ADAMTS2: variants seen among roughly 807,000 people sequenced by gnomAD.
The protein encoded by ADAMTS2 is ADAM metallopeptidase with thrombospondin type 1 motif 2, also known as A disintegrin and metalloproteinase with thrombospondin motifs 2.
In ADAMTS2, 50 loss-of-function variants were observed where a neutral mutation model predicts 123.0. The ratio of observed to expected loss-of-function variants is 0.41; its 90% CI spans 0.32 to 0.51. The LOEUF (loss-of-function observed/expected upper bound fraction) is 0.51, where lower values mean the gene tolerates loss of function less well. ADAMTS2 is among the 20% of genes least tolerant of loss of function. The pLI is 0.35. For synonymous variants in ADAMTS2, 678 were observed against 695.4 expected (o/e 0.98, Z 0.39); for missense variants, 1,494 against 1,705.2 (o/e 0.88, Z 2.18).
At chr5:179,161,071 CA>C (rs1763583545) in intron 5 of ADAMTS2, among the ~76,000 whole-genome samples, 1 of 152,180 alleles carries the variant, frequency 6.6e-6, no homozygotes, top group Non-Finnish European at 1.5e-5. Flanking sequence ...CACTGGGATG[CA>C]AAGTGTGTTT....
intron 10 of ADAMTS2, 125 bp from the exon 11 acceptor site, chr5:179,140,160 A>C: frequency 2.8e-5 from 39 of 1,404,752 alleles, no homozygotes; most frequent in South Asian, 3.5e-5. Context: ...GGGGGAGCTC[A>C]CCCTCCTCGC....
intron 3 of ADAMTS2, among the ~76,000 whole-genome samples, chr5:179,223,049 C>T (rs1300514146): frequency 6.6e-6 from 1 of 152,252 alleles, no homozygotes; most frequent in African/African-American, 2.4e-5. Context: ...AAGTCACTGT[C>T]TCCTTCTCTG....
chr5:179,324,684 C>A (rs553905232), intron 2 of ADAMTS2, among the ~76,000 whole-genome samples: 3 of 152,360 alleles, frequency 2.0e-5, no homozygotes, highest in African/African-American at 7.2e-5. Context: ...AGGCACCATG[C>A]CTGGCCGATA....
intron 2 of ADAMTS2, among the ~76,000 whole-genome samples, chr5:179,300,203 C>T (rs926112793): frequency 6.6e-6 from 1 of 152,040 alleles, no homozygotes; most frequent in African/African-American, 2.4e-5. Context: ...CATCTGTAAC[C>T]TTCACTGCCC....
chr5:179,137,478 CA>C (rs1763084590), intron 12 of ADAMTS2, among the ~76,000 whole-genome samples: 1 of 152,284 alleles, frequency 6.6e-6, no homozygotes, highest in Non-Finnish European at 1.5e-5. Context: ...CTCGTCCACC[CA>C]CGGTGAACTG....
chr5:179,261,000 C>T lies in ADAMTS2; in HGVS notation c.688+11911G>A, dbSNP rs866024731. ...TCCTTGAACGCAAACTTGGCTCCAA[C>T]GGGGCAGGAGAAGGATCATTCAGAC... is the stretch of plus-strand genomic sequence containing the variant. On this transcript the variant is annotated intron_variant, in intron 3 of 21. Transcript: ENST00000251582. The surrounding 1 kb of genome is among the most constrained non-coding windows in gnomAD (Gnocchi z 4.2). Among the ~76,000 whole-genome samples, 3 of 152,084 alleles carry T rather than the reference C, an allele frequency of 2.0e-5. No individual in the cohort carries two copies. The highest frequency in any genetic ancestry group is 4.8e-5 in the African/African-American group (2 of 41,400).
At position 179,132,886 on chromosome 5, in the gene ADAMTS2, G is replaced by C; in HGVS notation, c.2100C>G (p.Asp700Glu). ...CCTGCTTGCTGGAGCCGATCACACC[G>C]TCACAGCCCACCTTCTGTTGGGGGA... ...VRGDCRKVGC[D>E]GVIGSSKQED... The change falls in exon 14 of 22, where the codon GAC becomes GAG. Residue 700 changes from aspartate to glutamate, a missense_variant. This residue lies in a region of ADAMTS2 where 953 missense variants were observed against 1,124.7 expected (regional missense o/e 0.85). Transcript: ENST00000251582. This position sits in a 1 kb window ranked among gnomAD's most constrained non-coding sequence, Gnocchi z 6.1. The C allele has an allele frequency of 6.2e-7, 1 of 1,613,764 alleles. No individual in the cohort carries two copies. Among genetic ancestry groups the C allele is most frequent in the Non-Finnish European group, 8.5e-7 (1 of 1,179,926 alleles).
intron 11 of ADAMTS2, among the ~76,000 whole-genome samples, chr5:179,138,147 C>T (rs1210659347): frequency 6.6e-6 from 1 of 152,224 alleles, no homozygotes; most frequent in Non-Finnish European, 1.5e-5. Context: ...CAGAGTGAAG[C>T]TCTTGAAAGG....
At chr5:179,156,954 ATTTTTTCTTT>A (rs1212234642) in intron 6 of ADAMTS2, among the ~76,000 whole-genome samples, 2 of 99,014 alleles carry the variant, frequency 2.0e-5, no homozygotes, top group Non-Finnish European at 4.3e-5. Context: ...CTGTCCTTTC[ATTTTTTCTTT>A]TTTTTTTTTT....
Position 179,154,259 on chromosome 5 carries a change from G to A in ADAMTS2, c.1239-67C>T, listed in dbSNP as rs1408860412. 6 of 1,531,812 alleles carry A rather than the reference G, an allele frequency of 3.9e-6. No individual in the cohort carries two copies. The African/African-American group carries it at 4.1e-5, about 10-fold the overall frequency. 94.9% of individuals were successfully genotyped at this position (1,531,812 alleles called of 1,614,324 possible). A position where few individuals can be genotyped will look rare whatever the true frequency, so the allele number is the denominator to read the frequency against. On this transcript the variant is annotated intron_variant, in intron 7 of 21. Transcript: ENST00000251582. ...GGGTCTGCCAGTCCCACCCCACCCCGATGATAGGAGGGTGCCCCATCTTTC... is the reference window on the plus strand; with the variant it reads ...GGGTCTGCCAGTCCCACCCCACCCCAATGATAGGAGGGTGCCCCATCTTTC...
chr5:179,299,254 G>C (rs1561706390), intron 2 of ADAMTS2, among the ~76,000 whole-genome samples: 2 of 149,836 alleles, frequency 1.3e-5, no homozygotes, highest in Non-Finnish European at 3.0e-5. Context: ...ATTTGTCCAG[G>C]CGCGGTGGCT....
At chr5:179,165,439 A>C (rs1763679336) in intron 5 of ADAMTS2, among the ~76,000 whole-genome samples, 1 of 151,972 alleles carries the variant, frequency 6.6e-6, no homozygotes, top group Non-Finnish European at 1.5e-5. Context: ...AATGCACCTG[A>C]CTTCCAGCTG....
chr5:179,286,731 G>A (rs1249449636), intron 2 of ADAMTS2, among the ~76,000 whole-genome samples: 30 of 152,154 alleles, frequency 2.0e-4, no homozygotes, highest in Admixed American at 1.6e-3. Flanking sequence ...GGCAGCACAG[G>A]CCGGGGCTTG....
intron 18 of ADAMTS2, 35 bp from the exon 19 acceptor site, chr5:179,125,215 G>T: frequency 6.3e-7 from 1 of 1,599,900 alleles, no homozygotes; most frequent in South Asian, 1.1e-5. Context: ...TCAGGCTTCC[G>T]CAGCACCTGG....
intron 4 of ADAMTS2, among the ~76,000 whole-genome samples, chr5:179,203,399 G>A (rs1764609679): frequency 6.6e-6 from 1 of 152,236 alleles, no homozygotes; most frequent in Non-Finnish European, 1.5e-5. Context: ...CCAGCCGGCT[G>A]CTGCCACGTC....
chr5:179,322,137 G>A (rs1270785920), intron 2 of ADAMTS2, among the ~76,000 whole-genome samples: 2 of 152,144 alleles, frequency 1.3e-5, no homozygotes, highest in Admixed American at 6.5e-5. Context: ...TCTCCTTTTG[G>A]CTTATTTCTG....
At chr5:179,121,549 C>T (rs1311993374) in intron 21 of ADAMTS2, 112 bp downstream of exon 21, 2 of 875,044 alleles carry the variant, frequency 2.3e-6, no homozygotes, top group East Asian at 2.8e-5. Context: ...AGCGCGCCCG[C>T]AGAGTCAGGG....
chr5:179,268,656 C>T (rs530868224), intron 3 of ADAMTS2, among the ~76,000 whole-genome samples: 1 of 152,314 alleles, frequency 6.6e-6, no homozygotes, highest in African/African-American at 2.4e-5. Context: ...GGAGGACTGC[C>T]AGGCTGAGAC....
At position 179,343,945 on chromosome 5, in the gene ADAMTS2, T is replaced by A; in HGVS notation, c.356A>T (p.Asp119Val). The change falls in exon 2 of 22, where the codon GAC becomes GTC. Residue 119 changes from aspartate (D) to valine (V), a missense_variant. Around this residue, in one of 6 missense-constraint regions of ADAMTS2, gnomAD observed 237 missense variants for 233.7 expected, o/e 1.01. Coordinates refer to ENST00000251582, the MANE Select transcript of ADAMTS2 (RefSeq NM_014244.5). ...GTTGGGCCGCAGCCGCAGGTGCAGG[T>A]CTCGGCCAAAGACCGTGACATTGTA... is the stretch of plus-strand genomic sequence containing the variant. ...LFYNVTVFGR[D>V]LHLRLRPNAR... 1 of 1,611,066 alleles carries A rather than the reference T, an allele frequency of 6.2e-7. No individual in the cohort carries two copies. Among genetic ancestry groups the A allele is most frequent in the Non-Finnish European group, 8.5e-7 (1 of 1,179,432 alleles).
Sources: gnomAD v4.1 joint callset for allele counts (sites outside exome capture counted in the v4.1 genomes callset) on GRCh38, gnomAD v4.1.1 for gene constraint, gnomAD v4.1.1 regional missense constraint, Gnocchi (gnomAD v3.1) non-coding constraint, MANE v1.5 for transcripts, NCBI Gene and HGNC (gene_info 2026-07-23, HGNC 2026-07-21) for gene names.